Variants in RGL1 observed in about 807,000 individuals in gnomAD.
RGL1 encodes ral guanine nucleotide dissociation stimulator like 1.
RGL1 carries 24 observed loss-of-function variants against 95.2 expected under a neutral mutation model. That is an observed-to-expected ratio of 0.25 (90% CI 0.18 to 0.35). The LOEUF is 0.35. Ranked by LOEUF, RGL1 falls within the 10% of genes least tolerant of loss-of-function variation. The pLI, the probability that RGL1 is intolerant of heterozygous loss-of-function variation, is 1.00. For synonymous variants in RGL1, 329 were observed against 344.9 expected (o/e 0.95, Z 0.51); for missense variants, 715 against 936.3 (o/e 0.76, Z 3.08).
At chr1:183,652,508 T>C (rs949052198) in intron 1 of RGL1, among the ~76,000 whole-genome samples, 18 of 152,374 alleles carry the variant, frequency 1.2e-4, no homozygotes, top group Non-Finnish European at 4.4e-5. Context: ...TGTTGCCCTC[T>C]TTGAACTCTT....
In RGL1 at chr1:183,655,008, T is replaced by G. The variant is rs547943219; in HGVS notation, c.-33+18507T>G. ...TTGACATGTATTGGAAAGGAGATGC[T>G]TGGAAGAAATGTCTAGCTTCCCCAA... is the stretch of plus-strand genomic sequence containing the variant. On this transcript the variant is annotated intron_variant, in intron 1 of 18. Transcript: ENST00000304685. Among the ~76,000 whole-genome samples, 25 of 152,330 alleles carry G rather than the reference T, an allele frequency of 1.6e-4. 1 individual carries two copies. The South Asian group carries it at 4.8e-3, about 29-fold the overall frequency.
At chr1:183,800,340 T>G (rs896813652), upstream of RGL1, among the ~76,000 whole-genome samples, 12 of 152,230 alleles carry the variant, frequency 7.9e-5, no homozygotes, top group Admixed American at 3.3e-4. Context: ...GCACACCAGC[T>G]GCTTGCATTT....
At position 183,897,913 on chromosome 1, in the gene RGL1, G is replaced by A. The variant is rs371658755; in HGVS notation, c.1230+16G>A. ...GAAGGACATGGTATGTCTGGCCCTCGTCTTCCCTGACAGCTCACAGAGGAG... is the reference window on the plus strand; with the variant it reads ...GAAGGACATGGTATGTCTGGCCCTCATCTTCCCTGACAGCTCACAGAGGAG... On this transcript the variant is annotated intron_variant, in intron 10 of 17. Transcript: ENST00000360851. 99 of 1,607,424 alleles carry A rather than the reference G, an allele frequency of 6.2e-5. No individual in the cohort carries two copies. Among genetic ancestry groups the A allele is most frequent in the Middle Eastern group, 4.9e-4 (3 of 6,066 alleles).
intron 4 of RGL1, among the ~76,000 whole-genome samples, chr1:183,877,211 G>A (rs1030730539): frequency 6.6e-6 from 1 of 152,162 alleles, no homozygotes; most frequent in African/African-American, 2.4e-5. Flanking sequence ...TAGTCTAACA[G>A]ACATACCAGA....
At chr1:183,851,635 A>G (rs3010058) in intron 3 of RGL1, among the ~76,000 whole-genome samples, 107,647 of 152,020 alleles carry the variant, frequency 0.71, 38,284 homozygotes, top group Middle Eastern at 0.79. Flanking sequence ...AAGTTCTAAC[A>G]TGTTCTGCAG....
intron 2 of RGL1, among the ~76,000 whole-genome samples, chr1:183,788,030 T>C (rs1453565790): frequency 4.6e-5 from 7 of 152,186 alleles, no homozygotes; most frequent in Admixed American, 3.9e-4. Flanking sequence ...GGTATTCCTT[T>C]ATAGCAACAC....
chr1:183,786,417 C>CA (rs527683767), intron 2 of RGL1, among the ~76,000 whole-genome samples: 1 of 151,934 alleles, frequency 6.6e-6, no homozygotes, highest in Admixed American at 6.6e-5. Context: ...AAACAACACA[C>CA]AAAAAAACTG....
Position 183,805,971 on chromosome 1 carries a change from CTTTTTTTTTTT to C in RGL1, c.28-374_28-364del, listed in dbSNP as rs751229707. 3.1e-4 allele frequency among the ~76,000 whole-genome samples: 23 copies of C among 74,636 alleles called. 1 individual carries two copies. Among genetic ancestry groups the C allele is most frequent in the South Asian group, 1.8e-3 (3 of 1,690 alleles). 49.0% of individuals were successfully genotyped at this position (74,636 alleles called of 152,430 possible). A position where few individuals can be genotyped will look rare whatever the true frequency, so the allele number is the denominator to read the frequency against. ...TTTCTTTTTCTTTTTCTTTTCTTTT[CTTTTTTTTTTT>C]TTTTTTTTTTTTTTTTTTTTTTTTT... On this transcript the variant is annotated intron_variant, in intron 1 of 17. Coordinates refer to ENST00000360851, the MANE Select transcript of RGL1 (RefSeq NM_001297671.3).
At chr1:183,666,902 G>T (rs1433198048) in intron 1 of RGL1, among the ~76,000 whole-genome samples, 1 of 152,164 alleles carries the variant, frequency 6.6e-6, no homozygotes, top group South Asian at 2.1e-4. Flanking sequence ...TTTCCTTACT[G>T]ATTTTCTGCA....
chr1:183,771,935 G>A (rs1193926609), intron 2 of RGL1, among the ~76,000 whole-genome samples: 2 of 152,186 alleles, frequency 1.3e-5, no homozygotes, highest in Non-Finnish European at 2.9e-5. Flanking sequence ...GGACACGGAG[G>A]GGAACACGCC....
In RGL1 at chr1:183,926,660, G is replaced by A. The variant is rs924273056; in HGVS notation, c.*368G>A. 1.9e-5 allele frequency: 3 copies of A among 154,714 alleles called. No individual in the cohort carries two copies. Among genetic ancestry groups the A allele is most frequent in the African/African-American group, 7.2e-5 (3 of 41,468 alleles). The allele number at this position is 154,714 out of a possible 1,614,324, so 9.6% of individuals were successfully genotyped here. On this transcript the variant is annotated 3_prime_UTR_variant, in exon 18 of 18. Transcript: ENST00000360851. ...GAAAAACAAATTTGCACAATGGCCT[G>A]GGAAGTTGAGGTCACTTTTTACAGG...
At chr1:183,856,300 CATATATATAACAGAACAT>C (rs2102563714) in intron 3 of RGL1, among the ~76,000 whole-genome samples, 1 of 151,888 alleles carries the variant, frequency 6.6e-6, no homozygotes, top group East Asian at 1.9e-4. Context: ...CATACACACA[CATATATATAACAGAACAT>C]ATATATATAT....
chr1:183,796,425 G>C (rs528642468), intron 2 of RGL1, among the ~76,000 whole-genome samples: 1 of 152,280 alleles, frequency 6.6e-6, no homozygotes, highest in African/African-American at 2.4e-5. Flanking sequence ...GCCTCCCAAA[G>C]TGCTGGGATT....
intron 6 of RGL1, among the ~76,000 whole-genome samples, chr1:183,884,126 CT>C (rs1167276866): frequency 3.9e-5 from 6 of 152,204 alleles, no homozygotes; most frequent in Non-Finnish European, 8.8e-5. Flanking sequence ...GGAGAAGGTG[CT>C]TTTGGAGCTC....
rs185374383 is a variant in RGL1 at position 183,851,250 on chromosome 1, C to T, written c.347+3476C>T. 1.4e-4 allele frequency among the ~76,000 whole-genome samples: 22 copies of T among 152,298 alleles called. No individual in the cohort carries two copies. In the East Asian group the frequency reaches 4.3e-3, roughly 29 times the overall value. On this transcript the variant is annotated intron_variant, in intron 3 of 17. Coordinates refer to ENST00000360851, the MANE Select transcript of RGL1 (RefSeq NM_001297671.3). ...ATCTCATAAACAGATCCTTTGCTTG[C>T]TTCTGAAATGAATGGAATTGACAAG...
chr1:183,654,491 G>A (rs79534455), intron 1 of RGL1, among the ~76,000 whole-genome samples: 12,440 of 152,242 alleles, frequency 0.082, 1,002 homozygotes, highest in African/African-American at 0.21. Flanking sequence ...AAAGCTGGGT[G>A]AAAGGATAAT....
chr1:183,828,544 C>A (rs1312982470), intron 2 of RGL1, among the ~76,000 whole-genome samples: 1 of 152,138 alleles, frequency 6.6e-6, no homozygotes, highest in African/African-American at 2.4e-5. Flanking sequence ...TCTGAGGGAT[C>A]TGGGTTCTGT....
intron 11 of RGL1, among the ~76,000 whole-genome samples, chr1:183,901,663 CTCTCTCTGTCCCCTTGTCCCTCTT>C (rs1461628368): frequency 4.6e-4 from 70 of 152,134 alleles, no homozygotes; most frequent in African/African-American, 1.6e-3. Flanking sequence ...CTGTCTCTCT[CTCTCTCTGTCCCCTTGTCCCTCTT>C]TCTCTCTGTT....
chr1:183,910,090 C>T (rs562364907), intron 14 of RGL1, among the ~76,000 whole-genome samples: 34 of 151,748 alleles, frequency 2.2e-4, no homozygotes, highest in Non-Finnish European at 3.8e-4. Flanking sequence ...TTCTTCTTTC[C>T]TTCCTTCCTT....
Sources: allele counts gnomAD v4.1 joint callset (sites outside exome capture counted in the v4.1 genomes callset), GRCh38; gene constraint gnomAD v4.1.1; transcripts MANE v1.5; gene names NCBI Gene and HGNC (gene_info 2026-07-23, HGNC 2026-07-21).